LRBA: variants seen among roughly 807,000 people sequenced by gnomAD.
LRBA encodes the protein lipopolysaccharide-responsive and beige-like anchor protein.
In LRBA, 176 loss-of-function variants were observed where a neutral mutation model predicts 330.0. The ratio of observed to expected loss-of-function variants is 0.53; its 90% confidence interval spans 0.47 to 0.60. The LOEUF is 0.60. Ranked by LOEUF, LRBA falls within the 20% of genes least tolerant of loss-of-function variation. The pLI is 0.00. For missense variants in LRBA, 3,259 were observed against 3,444.8 expected, an observed-to-expected ratio of 0.95 and a Z score of 1.35; for synonymous variants, 1,230 against 1,193.0, an observed-to-expected ratio of 1.03 and a Z score of -0.64.
At chr4:150,933,169 C>T (rs1293654519) in intron 2 of LRBA, among the ~76,000 whole-genome samples, 1 of 151,794 alleles carries the variant, frequency 6.6e-6, no homozygotes, top group Admixed American at 6.6e-5. Context: ...GGGTGGATCA[C>T]TTGAGGTCAG....
chr4:150,527,297 G>A (rs747243863), intron 40 of LRBA, among the ~76,000 whole-genome samples: 13 of 152,102 alleles, frequency 8.5e-5, no homozygotes, highest in Non-Finnish European at 1.8e-4. Context: ...AGAGGGCTCT[G>A]TACCTGAGGG....
intron 38 of LRBA, among the ~76,000 whole-genome samples, chr4:150,593,914 G>A (rs558614728): frequency 1.3e-5 from 2 of 152,042 alleles, no homozygotes; most frequent in East Asian, 3.9e-4. Flanking sequence ...AAATGACCAC[G>A]AGAAATATAA....
chr4:150,624,976 C>T (rs190688129), intron 37 of LRBA, among the ~76,000 whole-genome samples: 1 of 152,248 alleles, frequency 6.6e-6, no homozygotes, highest in African/African-American at 2.4e-5. Context: ...GATTGTTTGG[C>T]TTTTTCTATC....
At chr4:150,732,913 G>A (rs1490653137) in intron 36 of LRBA, among the ~76,000 whole-genome samples, 2 of 151,910 alleles carry the variant, frequency 1.3e-5, no homozygotes, top group East Asian at 3.9e-4. Context: ...TTTAATATAT[G>A]CTGTCTTTTT....
chr4:150,516,534 T>C (rs940726252), intron 40 of LRBA, among the ~76,000 whole-genome samples: 1 of 151,748 alleles, frequency 6.6e-6, no homozygotes, highest in African/African-American at 2.4e-5. Flanking sequence ...AGCTATTTCA[T>C]GATAAAGGGT....
At chr4:150,722,000 T>TTA (rs1729002215) in intron 36 of LRBA, among the ~76,000 whole-genome samples, 1 of 152,158 alleles carries the variant, frequency 6.6e-6, no homozygotes, top group African/African-American at 2.4e-5. Flanking sequence ...TAGTCAATCT[T>TTA]TAAAGAATTC....
In LRBA at chr4:150,828,590, A is replaced by G. The variant is rs1298611070; in HGVS notation, c.4761T>C (p.Thr1587=). The change falls in exon 30 of 57, where the codon ACT becomes ACC. Residue 1587 remains threonine, a synonymous_variant. Transcript: ENST00000651943. ...TTTCAGATTCTTCCACTGATGCCGTAGTTAAAGTGCTGAATGCTGCTGGTG... is the reference window on the plus strand; with the variant it reads ...TTTCAGATTCTTCCACTGATGCCGTGGTTAAAGTGCTGAATGCTGCTGGTG... The part of the protein sequence containing the change: ...EITPAAFSTL[T]TASVEESEST... 6.2e-7 allele frequency: 1 copy of G among 1,614,012 alleles called. No individual in the cohort carries two copies. The highest frequency in any genetic ancestry group is 8.5e-7 in the Non-Finnish European group (1 of 1,179,948).
Position 150,717,012 on chromosome 4 carries a change from C to T in LRBA, c.5754+18246G>A, listed in dbSNP as rs545939125. Among the ~76,000 whole-genome samples the T allele has an allele frequency of 1.5e-4, 23 of 152,238 alleles. 1 individual carries two copies. In the East Asian group the frequency reaches 2.9e-3, roughly 19 times the overall value. ...TGGTACTGAAATGAGACAATGTGTA[C>T]TAAATCACTTAATAGATGACGTTAG... On this transcript the variant is annotated intron_variant, in intron 36 of 56. Transcript: ENST00000651943.
chr4:150,843,837 C>T (rs1299272787), intron 28 of LRBA, among the ~76,000 whole-genome samples: 1 of 152,158 alleles, frequency 6.6e-6, no homozygotes, highest in African/African-American at 2.4e-5. Flanking sequence ...TTAATTAATA[C>T]ATGTATATCA....
At position 150,881,388 on chromosome 4, in the gene LRBA, T is replaced by C. The variant is rs74825459; in HGVS notation, c.2166-8633A>G. Among the ~76,000 whole-genome samples, 241 of 152,158 alleles carry C rather than the reference T, an allele frequency of 1.6e-3. 8 individuals are homozygous for C. The East Asian group carries it at 0.039, about 24-fold the overall frequency. On this transcript the variant is annotated intron_variant, in intron 17 of 56. Coordinates refer to ENST00000651943, the MANE Select transcript of LRBA (RefSeq NM_001364905.1). Reference sequence around the variant, plus strand: ...GCAGAAACATGGATGCAGCTGGAGGTCATTATCCTAAGTGAATTAATGCAG... The same window carrying C: ...GCAGAAACATGGATGCAGCTGGAGGCCATTATCCTAAGTGAATTAATGCAG...
At chr4:150,670,770 A>G (rs1245869040) in intron 37 of LRBA, among the ~76,000 whole-genome samples, 1 of 152,156 alleles carries the variant, frequency 6.6e-6, no homozygotes, top group African/African-American at 2.4e-5. Flanking sequence ...ATTCCAATCA[A>G]TCACCACAGG....
chr4:150,999,775 C>A (rs909607131), intron 2 of LRBA, among the ~76,000 whole-genome samples: 4 of 151,788 alleles, frequency 2.6e-5, no homozygotes, highest in African/African-American at 9.7e-5. Context: ...TTAATCCATA[C>A]GTTCTGGTAA....
At chr4:150,515,149 T>G (rs900521478) in intron 40 of LRBA, among the ~76,000 whole-genome samples, 1 of 152,098 alleles carries the variant, frequency 6.6e-6, no homozygotes. Context: ...GATACAACAC[T>G]CTTAAGTAAT....
At chr4:150,715,481 A>C (rs1027377388) in intron 36 of LRBA, among the ~76,000 whole-genome samples, 1 of 152,234 alleles carries the variant, frequency 6.6e-6, no homozygotes, top group South Asian at 2.1e-4. Context: ...GCAAAGAAAA[A>C]TGTTCAAAGT....
chr4:150,395,226 A>G (rs887135187), intron 47 of LRBA, among the ~76,000 whole-genome samples: 4 of 152,128 alleles, frequency 2.6e-5, no homozygotes, highest in African/African-American at 7.2e-5. Context: ...TTCCATATTA[A>G]TATATTTACT....
intron 36 of LRBA, among the ~76,000 whole-genome samples, chr4:150,717,900 T>C (rs190154823): frequency 6.6e-6 from 1 of 152,074 alleles, no homozygotes; most frequent in Admixed American, 6.6e-5. Flanking sequence ...TTAACTCACA[T>C]AGATTCCTAA....
intron 37 of LRBA, among the ~76,000 whole-genome samples, chr4:150,639,086 A>C (rs1227005037): frequency 1.4e-5 from 2 of 143,382 alleles, no homozygotes; most frequent in African/African-American, 5.2e-5. Flanking sequence ...CATCATTCTC[A>C]GTAAACTATC....
chr4:151,007,545 T>C (rs1317664069), intron 2 of LRBA, among the ~76,000 whole-genome samples: 5 of 147,230 alleles, frequency 3.4e-5, no homozygotes, highest in Middle Eastern at 3.6e-3. Flanking sequence ...CTCTTAACAA[T>C]TGGATATCCA....
At chr4:150,298,583 T>C (rs1436833777) in intron 53 of LRBA, among the ~76,000 whole-genome samples, 1 of 152,090 alleles carries the variant, frequency 6.6e-6, no homozygotes, top group East Asian at 1.9e-4. Flanking sequence ...TGTGGTCTGT[T>C]AGTGCTAGCC....
Sources: allele counts gnomAD v4.1 joint callset (sites outside exome capture counted in the v4.1 genomes callset), GRCh38; gene constraint gnomAD v4.1.1; transcripts MANE v1.5; gene names NCBI Gene and HGNC (gene_info 2026-07-23, HGNC 2026-07-21).